HMCN1: variants seen among roughly 807,000 people sequenced by gnomAD.
HMCN1 encodes the protein hemicentin 1.
Under a neutral mutation model 625.9 loss-of-function variants are expected in HMCN1, and 321 were observed. The ratio of observed to expected loss-of-function variants is 0.51; its 90% confidence interval spans 0.47 to 0.56. HMCN1 has a LOEUF of 0.56. Among genes scored for constraint, HMCN1 ranks in the 20% least tolerant of loss-of-function variants. The probability of loss-of-function intolerance (pLI) is 0.00; values close to 1 mark genes in which losing one functional copy is unlikely to be tolerated. For synonymous variants in HMCN1, 2,425 were observed against 2,417.6 expected, an observed-to-expected ratio of 1.00 and a Z score of -0.09; for missense variants, 6,588 against 6,887.3, an observed-to-expected ratio of 0.96 and a Z score of 1.54.
intron 37 of HMCN1, among the ~76,000 whole-genome samples, chr1:186,038,483 T>C (rs993401275): frequency 5.3e-5 from 8 of 152,196 alleles, no homozygotes; most frequent in Non-Finnish European, 8.8e-5. Context: ...GTGTGGATGG[T>C]ATTTGGTTTG....
intron 2 of HMCN1, among the ~76,000 whole-genome samples, chr1:185,858,666 G>T (rs1408156915): frequency 2.5e-5 from 3 of 120,548 alleles, no homozygotes; most frequent in Admixed American, 2.2e-4. Flanking sequence ...GCACAGGCTG[G>T]TCTTAAGCTC....
intron 48 of HMCN1, 77 bp downstream of exon 48, chr1:186,062,677 AT>A: frequency 1.1e-6 from 1 of 936,530 alleles, no homozygotes; most frequent in Non-Finnish European, 1.7e-6. Context: ...TATCTTAAAA[AT>A]TTTTTATATA....
At chr1:185,985,136 TTTG>T (rs1176731935) in intron 19 of HMCN1, among the ~76,000 whole-genome samples, 1 of 152,224 alleles carries the variant, frequency 6.6e-6, no homozygotes, top group Non-Finnish European at 1.5e-5. Flanking sequence ...ACCATTTTCT[TTTG>T]TTATGTCTGC....
intron 55 of HMCN1, among the ~76,000 whole-genome samples, chr1:186,078,914 A>G (rs1417017006): frequency 6.6e-6 from 1 of 152,228 alleles, no homozygotes; most frequent in Non-Finnish European, 1.5e-5. Flanking sequence ...CATAGATTTT[A>G]AAGTTCATGA....
chr1:185,984,456 A>C (rs1651878554), intron 19 of HMCN1, 143 bp downstream of exon 19: 1 of 898,184 alleles, frequency 1.1e-6, no homozygotes, highest in Non-Finnish European at 1.8e-6. Flanking sequence ...CAATATCTAC[A>C]TTGTTAATGT....
At chr1:186,135,628 G>A (rs1021678017) in intron 86 of HMCN1, among the ~76,000 whole-genome samples, 1 of 152,134 alleles carries the variant, frequency 6.6e-6, no homozygotes, top group Non-Finnish European at 1.5e-5. Context: ...TCTTCCTGTT[G>A]TGTGCTATTG....
At chr1:185,742,704 G>T (rs1304536712) in intron 1 of HMCN1, among the ~76,000 whole-genome samples, 1 of 152,164 alleles carries the variant, frequency 6.6e-6, no homozygotes, top group Non-Finnish European at 1.5e-5. Flanking sequence ...ATGTCCAAGA[G>T]AAATTCAGCT....
At chr1:186,092,665 T>C (rs961714191) in intron 64 of HMCN1, among the ~76,000 whole-genome samples, 2 of 152,012 alleles carry the variant, frequency 1.3e-5, no homozygotes, top group East Asian at 1.9e-4. Context: ...GAAAAAAAGT[T>C]TGCAAAATAT....
At chr1:186,092,105 T>A (rs1243556112) in intron 64 of HMCN1, among the ~76,000 whole-genome samples, 1 of 151,902 alleles carries the variant, frequency 6.6e-6, no homozygotes, top group East Asian at 1.9e-4. Flanking sequence ...TAAGATAGTA[T>A]TCATAGCTAG....
rs569057621 is a variant in HMCN1 at position 186,065,618 on chromosome 1, A to G, written c.7705+189A>G. ...TTAATTTATGACATATGGAATACCTACTATGTTCTAGGCACAGTGTTTTGT... is the reference window on the plus strand; with the variant it reads ...TTAATTTATGACATATGGAATACCTGCTATGTTCTAGGCACAGTGTTTTGT... On this transcript the variant is annotated intron_variant, in intron 49 of 106. Coordinates refer to ENST00000271588, the MANE Select transcript of HMCN1 (RefSeq NM_031935.3). 9.8e-5 allele frequency among the ~76,000 whole-genome samples: 15 copies of G among 152,348 alleles called. No individual in the cohort carries two copies. The South Asian group carries it at 3.1e-3, about 32-fold the overall frequency.
rs745727347 is a variant in HMCN1 at position 186,087,227 on chromosome 1, T to A, written c.9057T>A (p.Thr3019=). Residue 3019 remains threonine, a synonymous_variant, in exon 59 of 107, where the codon ACT becomes ACA. Coordinates refer to ENST00000271588, the MANE Select transcript of HMCN1 (RefSeq NM_031935.3). ...TNTLIVPGGR[T]LQIIRAKVSD... is the part of the protein sequence containing the mutation. ...TCTATTTACCTACAGGTGGTCGAAC[T>A]CTACAGATTATTCGGGCCAAGGTAT... 48 of 1,610,728 alleles carry A rather than the reference T, an allele frequency of 3.0e-5. No homozygotes were observed. Among genetic ancestry groups the A allele is most frequent in the Non-Finnish European group, 3.4e-5 (40 of 1,177,278 alleles).
intron 77 of HMCN1, 138 bp from the exon 78 acceptor site, chr1:186,119,053 A>C: frequency 1.4e-6 from 1 of 697,922 alleles, no homozygotes; most frequent in Non-Finnish European, 2.6e-6. Flanking sequence ...TGTGCTAGGC[A>C]CTTCAGGGGA....
intron 70 of HMCN1, 119 bp downstream of exon 70, chr1:186,107,084 A>G (rs988563543): frequency 9.2e-6 from 7 of 764,096 alleles, no homozygotes; most frequent in African/African-American, 1.7e-5. Context: ...TATTTTGCAA[A>G]TCTGAATCTT....
Position 185,893,979 on chromosome 1 carries a change from C to T in HMCN1, c.622-15358C>T, listed in dbSNP as rs78140672. 4.3e-3 allele frequency among the ~76,000 whole-genome samples: 659 copies of T among 151,850 alleles called. 9 individuals carry two copies. The East Asian group carries it at 0.058, about 13-fold the overall frequency. On this transcript the variant is annotated intron_variant, in intron 4 of 106. Coordinates refer to ENST00000271588, the MANE Select transcript of HMCN1 (RefSeq NM_031935.3). The stretch of plus-strand genomic sequence containing the variant: ...TACTGTCATCAAAAAACATAGATTA[C>T]AAAAAATTAGCCAGGCGTAGTGGCG...
At chr1:186,188,502 T>C (rs1463072226) in intron 106 of HMCN1, among the ~76,000 whole-genome samples, 1 of 152,180 alleles carries the variant, frequency 6.6e-6, no homozygotes, top group Non-Finnish European at 1.5e-5. Context: ...TATTTCCTTC[T>C]GTCTGAAACA....
intron 1 of HMCN1, among the ~76,000 whole-genome samples, chr1:185,802,896 G>A (rs912237507): frequency 6.6e-6 from 1 of 152,048 alleles, no homozygotes; most frequent in Admixed American, 6.6e-5. Context: ...GAGGTGTTTT[G>A]TTGTTTTGTT....
At chr1:186,124,802 G>C (rs1454784193) in intron 81 of HMCN1, among the ~76,000 whole-genome samples, 1 of 151,956 alleles carries the variant, frequency 6.6e-6, no homozygotes, top group Non-Finnish European at 1.5e-5. Context: ...TGATTTGTTT[G>C]AATAATTCCA....
intron 4 of HMCN1, among the ~76,000 whole-genome samples, chr1:185,885,626 T>C (rs1664598023): frequency 6.6e-6 from 1 of 152,016 alleles, no homozygotes; most frequent in Non-Finnish European, 1.5e-5. Context: ...TCTTAAGGTA[T>C]AGGCTTACTG....
chr1:186,160,939 A>G (rs891902663), intron 97 of HMCN1, among the ~76,000 whole-genome samples: 6 of 151,766 alleles, frequency 4.0e-5, no homozygotes, highest in Admixed American at 2.6e-4. Flanking sequence ...TATTAGGTCC[A>G]CTTGGTGCAG....
Sources: gnomAD v4.1 joint callset for allele counts (sites outside exome capture counted in the v4.1 genomes callset) on GRCh38, gnomAD v4.1.1 for gene constraint, MANE v1.5 for transcripts, NCBI Gene and HGNC (gene_info 2026-07-23, HGNC 2026-07-21) for gene names.